GRM5: variants seen among roughly 807,000 people sequenced by gnomAD.
GRM5 encodes metabotropic glutamate receptor 5.
A neutral mutation model predicts 83.1 loss-of-function variants in GRM5; 19 were observed. That is an observed-to-expected ratio of 0.23 (90% confidence interval 0.16 to 0.34). GRM5 has a LOEUF of 0.34. GRM5 is among the 10% of genes least tolerant of loss of function. GRM5 has a pLI of 1.00. For synonymous variants in GRM5, 675 were observed against 633.6 expected (o/e 1.07, Z -0.98); for missense variants, 1,160 against 1,588.3 (o/e 0.73, Z 4.58).
chr11:88,992,559 C>T (rs1225979418), intron 2 of GRM5, among the ~76,000 whole-genome samples: 1 of 152,004 alleles, frequency 6.6e-6, no homozygotes, highest in Non-Finnish European at 1.5e-5. Flanking sequence ...TATAAAGACA[C>T]ATGCACATGT....
chr11:88,799,470 G>A (rs555883437), intron 3 of GRM5, among the ~76,000 whole-genome samples: 1 of 152,172 alleles, frequency 6.6e-6, no homozygotes, highest in Non-Finnish European at 1.5e-5. Flanking sequence ...AGGTATGTGA[G>A]TGCATGGAAA....
At chr11:88,593,632 C>A (rs1218438563) in intron 6 of GRM5, among the ~76,000 whole-genome samples, 1 of 148,714 alleles carries the variant, frequency 6.7e-6, no homozygotes, top group African/African-American at 2.5e-5. Context: ...GAGCCGAGAT[C>A]GCGCCACTGC....
chr11:89,040,386 A>G (rs1404047213), intron 2 of GRM5, among the ~76,000 whole-genome samples: 1 of 152,216 alleles, frequency 6.6e-6, no homozygotes, highest in Non-Finnish European at 1.5e-5. Flanking sequence ...GCTTCCAGAT[A>G]AAAAGAGATG....
intron 7 of GRM5, among the ~76,000 whole-genome samples, chr11:88,579,940 TTAA>T (rs1197874729): frequency 6.6e-6 from 1 of 152,162 alleles, no homozygotes; most frequent in Admixed American, 6.6e-5. Context: ...AGAAAGATGA[TTAA>T]TGATGATTGT....
At chr11:88,906,344 A>G (rs1304876978) in intron 2 of GRM5, among the ~76,000 whole-genome samples, 2 of 152,158 alleles carry the variant, frequency 1.3e-5, no homozygotes, top group East Asian at 3.9e-4. Context: ...TTATTACTTT[A>G]TTAGCCCTCC....
intron 4 of GRM5, among the ~76,000 whole-genome samples, chr11:88,643,532 A>G (rs1435978125): frequency 5.9e-5 from 9 of 152,182 alleles, no homozygotes; most frequent in Admixed American, 5.9e-4. Context: ...ATGATCTACA[A>G]TAAGATTAGG....
intron 3 of GRM5, among the ~76,000 whole-genome samples, chr11:88,747,773 C>T (rs1298265644): frequency 6.6e-6 from 1 of 151,328 alleles, no homozygotes; most frequent in East Asian, 2.0e-4. Flanking sequence ...ATAGAAATAC[C>T]ATTTTAATAG....
At chr11:88,974,430 A>G (rs949458720) in intron 2 of GRM5, among the ~76,000 whole-genome samples, 5 of 138,070 alleles carry the variant, frequency 3.6e-5, no homozygotes, top group African/African-American at 1.4e-4. Context: ...GATAATCTGT[A>G]TTTAGAGAGC....
intron 2 of GRM5, among the ~76,000 whole-genome samples, chr11:88,974,800 C>T (rs1053636822): frequency 2.6e-5 from 4 of 152,154 alleles, no homozygotes; most frequent in African/African-American, 9.6e-5. Context: ...TCTTCTCTCT[C>T]ACCCCATTAA....
chr11:88,694,203 T>G (rs1940850325), intron 3 of GRM5, among the ~76,000 whole-genome samples: 1 of 152,240 alleles, frequency 6.6e-6, no homozygotes, highest in Non-Finnish European at 1.5e-5. Flanking sequence ...TTTGGAATTT[T>G]AAGTTTTATT....
chr11:88,865,414 A>C (rs1944644991), intron 2 of GRM5, among the ~76,000 whole-genome samples: 1 of 152,202 alleles, frequency 6.6e-6, no homozygotes, highest in African/African-American at 2.4e-5. Context: ...TTAATTCAAG[A>C]TGGATTAAAG....
intron 1 of GRM5, among the ~76,000 whole-genome samples, chr11:89,051,308 A>G (rs779226357): frequency 5.9e-5 from 9 of 151,906 alleles, no homozygotes; most frequent in African/African-American, 9.7e-5. Flanking sequence ...AGTCACGTAA[A>G]AAATATGCCT....
intron 4 of GRM5, among the ~76,000 whole-genome samples, chr11:88,605,821 T>A (rs1350526119): frequency 6.6e-6 from 1 of 152,192 alleles, no homozygotes. Flanking sequence ...ATTTGACAAG[T>A]ATGGACTTAG....
chr11:88,946,540 A>G (rs905661364), intron 2 of GRM5, among the ~76,000 whole-genome samples: 1 of 152,104 alleles, frequency 6.6e-6, no homozygotes, highest in African/African-American at 2.4e-5. Context: ...AGATGCTATT[A>G]TCCTAAGCAA....
intron 5 of GRM5, among the ~76,000 whole-genome samples, chr11:88,601,924 A>G (rs1938009776): frequency 6.6e-6 from 1 of 152,074 alleles, no homozygotes; most frequent in African/African-American, 2.4e-5. Context: ...GTTCCAAAAA[A>G]CCTTTCTTAT....
At chr11:89,042,110 T>C (rs1941549240) in intron 2 of GRM5, among the ~76,000 whole-genome samples, 1 of 152,172 alleles carries the variant, frequency 6.6e-6, no homozygotes, top group South Asian at 2.1e-4. Context: ...AATGGCATGA[T>C]CTTGGCTCAC....
At chr11:88,898,615 C>T (rs1412808422) in intron 2 of GRM5, among the ~76,000 whole-genome samples, 1 of 151,832 alleles carries the variant, frequency 6.6e-6, no homozygotes, top group African/African-American at 2.4e-5. Flanking sequence ...CCCTGTTATC[C>T]AGTCATATGT....
At chr11:88,565,508 A>G (rs986251453) in intron 8 of GRM5, among the ~76,000 whole-genome samples, 6 of 152,352 alleles carry the variant, frequency 3.9e-5, no homozygotes, top group Non-Finnish European at 8.8e-5. Context: ...CTTGTTTTAT[A>G]TACCAGGCTT....
At chr11:88,702,775 A>G (rs1296081867) in intron 3 of GRM5, among the ~76,000 whole-genome samples, 1 of 151,994 alleles carries the variant, frequency 6.6e-6, no homozygotes, top group African/African-American at 2.4e-5. Context: ...AATGTAACTG[A>G]TGTCATTATA....
Sources: gnomAD v4.1 joint callset for allele counts (sites outside exome capture counted in the v4.1 genomes callset) on GRCh38, gnomAD v4.1.1 for gene constraint, MANE v1.5 for transcripts, NCBI Gene and HGNC (gene_info 2026-07-23, HGNC 2026-07-21) for gene names.